ZNF385D: variants seen among roughly 807,000 people sequenced by gnomAD.
ZNF385D encodes the protein zinc finger protein 385D.
A neutral mutation model predicts 35.8 loss-of-function variants in ZNF385D; 15 were observed. The observed-to-expected ratio is 0.42, with a 90% confidence interval of 0.28 to 0.64. The LOEUF is 0.64. Ranked by LOEUF, ZNF385D falls within the 30% of genes least tolerant of loss-of-function variation. The pLI, the probability that ZNF385D is intolerant of heterozygous loss-of-function variation, is 0.23. For missense variants in ZNF385D, 474 were observed against 494.6 expected (o/e 0.96, Z 0.39); for synonymous variants, 212 against 186.8 (o/e 1.13, Z -1.10).
chr3:22,285,704 G>A (rs1350485293), intron 2 of ZNF385D, among the ~76,000 whole-genome samples: 1 of 151,770 alleles, frequency 6.6e-6, no homozygotes, highest in Non-Finnish European at 1.5e-5. Context: ...CACAGCAGTC[G>A]CTGGTGTGTG....
At chr3:22,105,487 A>G (rs1473269039) in intron 3 of ZNF385D, among the ~76,000 whole-genome samples, 1 of 152,158 alleles carries the variant, frequency 6.6e-6, no homozygotes, top group Non-Finnish European at 1.5e-5. Flanking sequence ...TGGCTCACAC[A>G]ATTACGGAGG....
rs182860439 is a variant in ZNF385D at position 21,799,811 on chromosome 3, T to A, written c.326-134783A>T. Reference sequence around the variant, plus strand: ...TTACTTTTACTTTTGAAACGATATGTAAAAATTCATTGCCATATCTAAGAC... The same window carrying A: ...TTACTTTTACTTTTGAAACGATATGAAAAAATTCATTGCCATATCTAAGAC... On this transcript the variant is annotated intron_variant, in intron 3 of 5. Coordinates refer to the ZNF385D transcript ENST00000494108. 1.6e-4 allele frequency among the ~76,000 whole-genome samples: 24 copies of A among 152,306 alleles called. No homozygotes were observed. In the East Asian group the frequency reaches 4.2e-3, roughly 27 times the overall value.
chr3:22,175,137 G>C (rs992946946), intron 2 of ZNF385D, among the ~76,000 whole-genome samples: 4 of 151,904 alleles, frequency 2.6e-5, no homozygotes, highest in African/African-American at 9.6e-5. Context: ...TCCTAATGGA[G>C]TTTATAATTC....
chr3:21,828,411 C>G (rs573218253), intron 3 of ZNF385D, among the ~76,000 whole-genome samples: 1 of 152,028 alleles, frequency 6.6e-6, no homozygotes, highest in African/African-American at 2.4e-5. Context: ...CATTTTGGTG[C>G]CCATTAGAGA....
At chr3:21,566,261 A>T (rs1398677925) in intron 2 of ZNF385D, among the ~76,000 whole-genome samples, 7 of 152,086 alleles carry the variant, frequency 4.6e-5, no homozygotes, top group Non-Finnish European at 7.4e-5. Context: ...TCTAACAAAC[A>T]TTAATCCTTG....
chr3:21,449,104 T>C (rs1702310546), intron 4 of ZNF385D, among the ~76,000 whole-genome samples: 1 of 151,608 alleles, frequency 6.6e-6, no homozygotes, highest in Non-Finnish European at 1.5e-5. Flanking sequence ...AAAAAATGAC[T>C]TATTGGTTAG....
At chr3:21,796,842 C>A (rs957553518) in intron 3 of ZNF385D, among the ~76,000 whole-genome samples, 5 of 152,142 alleles carry the variant, frequency 3.3e-5, no homozygotes, top group Admixed American at 3.3e-4. Context: ...AGACACTGAA[C>A]TCAGTCCACA....
chr3:21,504,234 T>C (rs1038315576), intron 4 of ZNF385D, among the ~76,000 whole-genome samples: 2 of 152,106 alleles, frequency 1.3e-5, no homozygotes, highest in African/African-American at 2.4e-5. Flanking sequence ...TGTTCTTTAC[T>C]TGTAGGACTA....
chr3:22,140,296 T>A lies in ZNF385D; in HGVS notation c.325+28521A>T, dbSNP rs553672112. ...CACAACATAGATCTTAAATTCATAA[T>A]GCTGCCTAAAAGAAACCATTCTGGA... On this transcript the variant is annotated intron_variant, in intron 3 of 5. Transcript: ENST00000494108. Among the ~76,000 whole-genome samples, 6 of 152,324 alleles carry A rather than the reference T, an allele frequency of 3.9e-5. No individual in the cohort carries two copies. The South Asian group carries it at 1.2e-3, about 32-fold the overall frequency.
At position 22,258,407 on chromosome 3, in the gene ZNF385D, G is replaced by A. The variant is rs374968907; in HGVS notation, c.107-89372C>T. On this transcript the variant is annotated intron_variant, in intron 2 of 5. Coordinates refer to the ZNF385D transcript ENST00000494108. ...ATATTTAAAGGTTATAAAGTAAATT[G>A]TGAAACAAATACATTTGTTGCTATT... Among the ~76,000 whole-genome samples the A allele has an allele frequency of 4.1e-3, 628 of 151,898 alleles. 3 individuals are homozygous for A. Among genetic ancestry groups the A allele is most frequent in the African/African-American group, 0.014 (598 of 41,512 alleles).
At chr3:21,875,540 G>C (rs933310687) in intron 3 of ZNF385D, among the ~76,000 whole-genome samples, 1 of 151,986 alleles carries the variant, frequency 6.6e-6, no homozygotes, top group Non-Finnish European at 1.5e-5. Flanking sequence ...AATCCCCCAT[G>C]TCTTTCAAAA....
rs558937104 is a variant in ZNF385D at position 21,650,439 on chromosome 3, A to G, written c.165+14447T>C. On this transcript the variant is annotated intron_variant, in intron 2 of 7. Coordinates refer to ENST00000281523, the MANE Select transcript of ZNF385D (RefSeq NM_024697.3). ...ACTGTAAAGAAAGACCATCTAAACC[A>G]GTTAAATACAGGCAACATGATACAT... 1.8e-4 allele frequency among the ~76,000 whole-genome samples: 28 copies of G among 152,286 alleles called. No homozygotes were observed. In the South Asian group the frequency reaches 3.3e-3, roughly 18 times the overall value.
intron 2 of ZNF385D, among the ~76,000 whole-genome samples, chr3:22,245,430 G>A (rs1699722198): frequency 6.7e-6 from 1 of 148,526 alleles, no homozygotes; most frequent in Non-Finnish European, 1.5e-5. Flanking sequence ...ATATTTAGAG[G>A]TAGTGTCATG....
intron 1 of ZNF385D, among the ~76,000 whole-genome samples, chr3:21,746,018 A>G (rs1191263214): frequency 6.6e-6 from 1 of 152,214 alleles, no homozygotes; most frequent in African/African-American, 2.4e-5. Context: ...GTACAATATT[A>G]AGTCTATATA....
In ZNF385D at chr3:21,908,138, C is replaced by CTATA. The variant is rs1365542528; in HGVS notation, c.326-243111_326-243110insTATA. Among the ~76,000 whole-genome samples, 83 of 148,624 alleles carry CTATA rather than the reference C, an allele frequency of 5.6e-4. 2 individuals are homozygous for CTATA. In the Middle Eastern group the frequency reaches 0.014, roughly 25 times the overall value. ...TCTCTATATCTATCTATCTATCTATCTATCTATCTATCTATCTATCTATCT... is the reference window on the plus strand; with the variant it reads ...TCTCTATATCTATCTATCTATCTATCTATATATCTATCTATCTATCTATCTATCT... On this transcript the variant is annotated intron_variant, in intron 3 of 5. Transcript: ENST00000494108.
intron 3 of ZNF385D, among the ~76,000 whole-genome samples, chr3:21,900,002 T>A (rs1196390894): frequency 6.6e-6 from 1 of 152,120 alleles, no homozygotes; most frequent in Non-Finnish European, 1.5e-5. Flanking sequence ...GTTGGGCAGG[T>A]GGCAAGACAT....
At chr3:22,370,265 A>G (rs1696842248) in intron 2 of ZNF385D, among the ~76,000 whole-genome samples, 2 of 152,184 alleles carry the variant, frequency 1.3e-5, no homozygotes, top group Admixed American at 1.3e-4. Flanking sequence ...TCACACAAAT[A>G]TGATGTTAGC....
chr3:21,981,730 G>C (rs1694463588), intron 3 of ZNF385D, among the ~76,000 whole-genome samples: 1 of 152,120 alleles, frequency 6.6e-6, no homozygotes, highest in South Asian at 2.1e-4. Flanking sequence ...ATCTTGAGCT[G>C]ATTTTTGTGT....
intron 2 of ZNF385D, among the ~76,000 whole-genome samples, chr3:22,313,576 C>T (rs1047526986): frequency 2.6e-5 from 4 of 151,802 alleles, no homozygotes; most frequent in African/African-American, 7.3e-5. Context: ...ACAGACAACT[C>T]AAGAATTTTA....
Sources: allele counts gnomAD v4.1 joint callset (sites outside exome capture counted in the v4.1 genomes callset), GRCh38; gene constraint gnomAD v4.1.1; transcripts MANE v1.5; gene names NCBI Gene and HGNC (gene_info 2026-07-23, HGNC 2026-07-21).